Variants in ZC3H12B observed in about 807,000 individuals in gnomAD.
The protein encoded by ZC3H12B is zinc finger CCCH-type containing 12B.
In ZC3H12B, 7 loss-of-function variants were observed where a neutral mutation model predicts 43.9. The observed-to-expected ratio is 0.16, with a 90% confidence interval of 0.09 to 0.30. ZC3H12B has a LOEUF of 0.30. Ranked by LOEUF, ZC3H12B falls within the 10% of genes least tolerant of loss-of-function variation. The pLI is 1.00. For synonymous variants in ZC3H12B, 222 were observed against 241.7 expected, an observed-to-expected ratio of 0.92 and a Z score of 0.76; for missense variants, 475 against 670.2, an observed-to-expected ratio of 0.71 and a Z score of 3.22.
At chrX:65,037,943 G>C in the ZC3H12B span, among the ~76,000 whole-genome samples, 1 of 110,644 alleles carries the variant, frequency 9.0e-6, no homozygotes, top group African/African-American at 3.3e-5. Context: ...ATTAATAATT[G>C]ACAACATCAA....
the ZC3H12B span, among the ~76,000 whole-genome samples, chrX:65,222,756 T>A: frequency 9.1e-6 from 1 of 109,830 alleles, no homozygotes; most frequent in Non-Finnish European, 1.9e-5. Context: ...AATGGAAACA[T>A]CCCATGCTCA....
chrX:65,223,989 G>C, the ZC3H12B span, among the ~76,000 whole-genome samples: 1 of 112,144 alleles, frequency 8.9e-6, no homozygotes, highest in Non-Finnish European at 1.9e-5. Context: ...ATATGAAAAA[G>C]ATATTTGCAC....
At chrX:65,090,206 A>G in the ZC3H12B span, among the ~76,000 whole-genome samples, 1 of 111,922 alleles carries the variant, frequency 8.9e-6, no homozygotes, top group African/African-American at 3.2e-5. Flanking sequence ...GCCTTGTGCT[A>G]CATTGTTGCA....
chrX:65,404,943 C>G (rs1457777980), intron 3 of ZC3H12B, among the ~76,000 whole-genome samples: 2 of 112,009 alleles, frequency 1.8e-5, no homozygotes, highest in South Asian at 3.7e-4. Context: ...TAAAATAGAC[C>G]ATATGATAGG....
the ZC3H12B span, among the ~76,000 whole-genome samples, chrX:65,216,895 G>A: frequency 5.4e-5 from 6 of 111,830 alleles, no homozygotes; most frequent in Non-Finnish European, 1.1e-4. Flanking sequence ...ATAGTTCAGG[G>A]AGTATTTACC....
the ZC3H12B span, among the ~76,000 whole-genome samples, chrX:65,226,361 C>T: frequency 1.8e-5 from 2 of 110,842 alleles, no homozygotes; most frequent in African/African-American, 3.3e-5. Context: ...TAAAAGAGCG[C>T]CTGAAGGAAG....
At chrX:65,065,222 G>A in the ZC3H12B span, among the ~76,000 whole-genome samples, 1 of 110,640 alleles carries the variant, frequency 9.0e-6, no homozygotes, top group African/African-American at 3.3e-5. Flanking sequence ...AATTGATGCA[G>A]TTTCTTCATA....
At chrX:65,259,656 G>A in the ZC3H12B span, among the ~76,000 whole-genome samples, 3 of 112,261 alleles carry the variant, frequency 2.7e-5, no homozygotes, top group South Asian at 3.6e-4. Flanking sequence ...ATGGAAAACA[G>A]TGTAGAGATT....
chrX:65,399,983 A>G (rs1394405556), intron 3 of ZC3H12B, among the ~76,000 whole-genome samples: 4 of 111,051 alleles, frequency 3.6e-5, no homozygotes, highest in Non-Finnish European at 5.7e-5. Flanking sequence ...AATAAAAACA[A>G]AAGAACCCAT....
the ZC3H12B span, among the ~76,000 whole-genome samples, chrX:65,093,534 C>A: frequency 8.9e-6 from 1 of 112,220 alleles, no homozygotes; most frequent in Non-Finnish European, 1.9e-5. Flanking sequence ...AGAGCCCACC[C>A]CTTACATCAG....
chrX:65,117,307 C>T, the ZC3H12B span, among the ~76,000 whole-genome samples: 11 of 112,160 alleles, frequency 9.8e-5, no homozygotes, highest in Non-Finnish European at 1.5e-4. Flanking sequence ...TCTCTGATGG[C>T]CAGTGATGAT....
intron 2 of ZC3H12B, among the ~76,000 whole-genome samples, chrX:65,390,198 A>G (rs2066592724): frequency 9.0e-6 from 1 of 110,577 alleles, no homozygotes; most frequent in Admixed American, 9.7e-5. Context: ...ATAGGTGGGA[A>G]TTGAACAATG....
the ZC3H12B span, among the ~76,000 whole-genome samples, chrX:65,176,621 C>T: frequency 1.8e-5 from 2 of 111,873 alleles, no homozygotes; most frequent in African/African-American, 6.5e-5. Context: ...CACAGAAATA[C>T]CAACTACCAT....
the ZC3H12B span, among the ~76,000 whole-genome samples, chrX:65,266,483 G>A: frequency 3.2e-3 from 357 of 112,121 alleles, 1 homozygote; most frequent in African/African-American, 0.011. Flanking sequence ...ATGAGCTGAA[G>A]ATAACCATCA....
At chrX:65,486,100 C>A (rs1306343949), upstream of ZC3H12B, among the ~76,000 whole-genome samples, 3 of 112,345 alleles carry the variant, frequency 2.7e-5, no homozygotes, top group African/African-American at 9.7e-5. Flanking sequence ...CTATCTCCCA[C>A]CCTACTGAGA....
intron 3 of ZC3H12B, among the ~76,000 whole-genome samples, chrX:65,400,477 G>C (rs2066750225): frequency 8.9e-6 from 1 of 111,833 alleles, no homozygotes; most frequent in Non-Finnish European, 1.9e-5. Flanking sequence ...GTTATTTTTA[G>C]ACAGTAATGC....
At chrX:65,378,343 A>G (rs1256132553) in intron 2 of ZC3H12B, among the ~76,000 whole-genome samples, 1 of 111,621 alleles carries the variant, frequency 9.0e-6, no homozygotes, top group Non-Finnish European at 1.9e-5. Context: ...AGTGTTTTTT[A>G]GTTTACTTTA....
chrX:65,381,663 G>A (rs2066441955), intron 2 of ZC3H12B, among the ~76,000 whole-genome samples: 1 of 111,800 alleles, frequency 8.9e-6, no homozygotes, highest in South Asian at 3.7e-4. Flanking sequence ...ATGAATCCAG[G>A]AGCTGGTTTT....
At chrX:65,391,664 T>C (rs764263268) in intron 2 of ZC3H12B, among the ~76,000 whole-genome samples, 1 of 110,928 alleles carries the variant, frequency 9.0e-6, no homozygotes, top group South Asian at 3.8e-4. Flanking sequence ...GGACACTGAG[T>C]CCTGCAGTGA....
Sources: gnomAD v4.1 joint callset for allele counts (sites outside exome capture counted in the v4.1 genomes callset) on GRCh38, gnomAD v4.1.1 for gene constraint, MANE v1.5 for transcripts, NCBI Gene and HGNC (gene_info 2026-07-23, HGNC 2026-07-21) for gene names.